The following SAMSN1 variants were observed in gnomAD, a reference collection of about 807,000 sequenced individuals.
SAMSN1 encodes SAM domain, SH3 domain and nuclear localization signals 1, also known as SAM domain-containing protein SAMSN-1.
A neutral mutation model predicts 42.0 loss-of-function variants in SAMSN1; 31 were observed. The ratio of observed to expected loss-of-function variants is 0.74; its 90% CI spans 0.55 to 1.00. The LOEUF is 1.00. Among genes scored for constraint, SAMSN1 ranks in the 50% least tolerant of loss-of-function variants. The pLI is 0.00. For missense variants in SAMSN1, 464 were observed against 439.4 expected, an observed-to-expected ratio of 1.06 and a Z score of -0.50; for synonymous variants, 178 against 151.9, an observed-to-expected ratio of 1.17 and a Z score of -1.26.
chr21:14,579,664 TGGAGGCAGGGTCTCAC>T (rs1568817381), intron 2 of SAMSN1, among the ~76,000 whole-genome samples: 4 of 109,854 alleles, frequency 3.6e-5, no homozygotes, highest in African/African-American at 6.9e-5. Context: ...TTTTTTTTTT[TGGAGGCAGGGTCTCAC>T]TTTGTTTCCC....
At chr21:14,646,184 G>C (rs1236810083) in intron 1 of SAMSN1, among the ~76,000 whole-genome samples, 1 of 152,062 alleles carries the variant, frequency 6.6e-6, no homozygotes, top group South Asian at 2.1e-4. Flanking sequence ...ACACCAAGCA[G>C]ATTTAACCCT....
intron 2 of SAMSN1, among the ~76,000 whole-genome samples, chr21:14,580,285 A>T (rs1009309298): frequency 6.6e-6 from 1 of 152,158 alleles, no homozygotes; most frequent in Non-Finnish European, 1.5e-5. Flanking sequence ...AGGTGGGGGT[A>T]GTGCACAGAT....
At chr21:14,623,569 G>A (rs930220254) in intron 2 of SAMSN1, among the ~76,000 whole-genome samples, 1 of 152,150 alleles carries the variant, frequency 6.6e-6, no homozygotes, top group Non-Finnish European at 1.5e-5. Flanking sequence ...TCAACAAGAA[G>A]AACTAACTAT....
intron 2 of SAMSN1, among the ~76,000 whole-genome samples, chr21:14,626,044 A>C (rs1001794110): frequency 6.6e-6 from 1 of 152,234 alleles, no homozygotes; most frequent in Non-Finnish European, 1.5e-5. Context: ...TTCCCTATTT[A>C]ATAAATGGTG....
At chr21:14,605,805 AAG>A (rs1491400085) in intron 5 of SAMSN1, among the ~76,000 whole-genome samples, 11 of 144,966 alleles carry the variant, frequency 7.6e-5, no homozygotes, top group South Asian at 2.2e-4. Context: ...ATATGTAAAG[AAG>A]ATTTATTTAT....
chr21:14,646,572 A>G (rs918346901), intron 1 of SAMSN1, among the ~76,000 whole-genome samples: 2 of 152,214 alleles, frequency 1.3e-5, no homozygotes, highest in Non-Finnish European at 2.9e-5. Flanking sequence ...TAATCACCTG[A>G]AGGTACAAAA....
rs1332818287 is a variant in SAMSN1 at position 14,577,259 on chromosome 21, TATATATATATATATATATATATATA to T, written c.261+4852_261+4876del. ...GTGTGTATATATATATATATATATA[TATATATATATATATATATATATATA>T]TTTTTTTTTTAGAAGAGACAGGGTT... On this transcript the variant is annotated intron_variant, in intron 2 of 8. Transcript: ENST00000285670. Among the ~76,000 whole-genome samples, 34 of 46,608 alleles carry T rather than the reference TATATATATATATATATATATATATA, an allele frequency of 7.3e-4. 1 individual carries two copies. Among genetic ancestry groups the T allele is most frequent in the African/African-American group, 2.2e-3 (16 of 7,300 alleles). The allele number at this position is 46,608 out of a possible 152,430, so 30.6% of individuals were successfully genotyped here.
chr21:14,620,392 G>A (rs2123341268), intron 2 of SAMSN1, among the ~76,000 whole-genome samples: 2 of 152,274 alleles, frequency 1.3e-5, no homozygotes, highest in South Asian at 4.1e-4. Context: ...GCCACCATGT[G>A]AAGAAGGTAC....
intron 1 of SAMSN1, among the ~76,000 whole-genome samples, chr21:14,543,800 T>C (rs1980200852): frequency 6.6e-6 from 1 of 152,196 alleles, no homozygotes; most frequent in Non-Finnish European, 1.5e-5. Context: ...AGAAAATTCC[T>C]TTCACAAATT....
chr21:14,590,270 T>TC (rs572353513), intron 7 of SAMSN1, among the ~76,000 whole-genome samples: 7 of 151,398 alleles, frequency 4.6e-5, no homozygotes, highest in Non-Finnish European at 7.4e-5. Context: ...GGGAGAATTT[T>TC]TTTTTCTTTT....
intron 2 of SAMSN1, among the ~76,000 whole-genome samples, chr21:14,563,046 C>T (rs1980996191): frequency 6.6e-6 from 1 of 152,082 alleles, no homozygotes; most frequent in Non-Finnish European, 1.5e-5. Flanking sequence ...GTATTTCCAA[C>T]AACATAAATG....
intron 6 of SAMSN1, among the ~76,000 whole-genome samples, chr21:14,599,501 CG>C (rs1299344536): frequency 6.6e-6 from 1 of 152,122 alleles, no homozygotes; most frequent in Admixed American, 6.6e-5. Flanking sequence ...TACTTAGCCT[CG>C]GGTATTTCTT....
In SAMSN1 at chr21:14,605,120, A is replaced by C. The variant is rs1442066939; in HGVS notation, c.323-3021T>G. Among the ~76,000 whole-genome samples, 3 of 152,218 alleles carry C rather than the reference A, an allele frequency of 2.0e-5. No individual in the cohort carries two copies. The East Asian group carries it at 5.8e-4, about 29-fold the overall frequency. Reference sequence around the variant, plus strand: ...AGAGGCAGCAAGGGATGATGTAAAAAAGTTTTTATTTCTAATCAGCTTTTA... The same window carrying C: ...AGAGGCAGCAAGGGATGATGTAAAACAGTTTTTATTTCTAATCAGCTTTTA... On this transcript the variant is annotated intron_variant, in intron 5 of 15. Transcript: ENST00000647101.
At chr21:14,565,788 C>T (rs1981100010) in intron 2 of SAMSN1, among the ~76,000 whole-genome samples, 1 of 152,094 alleles carries the variant, frequency 6.6e-6, no homozygotes, top group African/African-American at 2.4e-5. Context: ...ATAAACTTCT[C>T]AACATCACAA....
At chr21:14,608,393 T>G (rs28723432) in intron 5 of SAMSN1, among the ~76,000 whole-genome samples, 2,547 of 152,304 alleles carry the variant, frequency 0.017, 77 homozygotes, top group African/African-American at 0.058. Flanking sequence ...AAAATTCAGC[T>G]GTCCACTACA....
chr21:14,569,974 T>G (rs1009641412), intron 2 of SAMSN1, among the ~76,000 whole-genome samples: 2 of 124,766 alleles, frequency 1.6e-5, no homozygotes, highest in African/African-American at 7.0e-5. Context: ...TGTGGTGTCT[T>G]TAACCACTTT....
chr21:14,623,858 C>T (rs1439160893), intron 2 of SAMSN1, among the ~76,000 whole-genome samples: 3 of 152,088 alleles, frequency 2.0e-5, no homozygotes, highest in Admixed American at 6.6e-5. Context: ...TATTCCAAAA[C>T]TGACCACATA....
intron 3 of SAMSN1, among the ~76,000 whole-genome samples, chr21:14,614,993 A>G (rs1317940579): frequency 1.3e-5 from 2 of 152,136 alleles, no homozygotes; most frequent in African/African-American, 2.4e-5. Flanking sequence ...TTGGTAGCCT[A>G]TATTCTGCGG....
At position 14,612,904 on chromosome 21, in the gene SAMSN1, C is replaced by T. The variant is rs1982745372; in HGVS notation, c.207G>A (p.Arg69=). The T allele has an allele frequency of 4.3e-6, 3 of 705,558 alleles. No individual in the cohort carries two copies. In the East Asian group the frequency reaches 8.1e-5, roughly 19 times the overall value. The allele number at this position is 705,558 out of a possible 1,614,324, so 43.7% of individuals were successfully genotyped here. The change falls in exon 4 of 16, where the codon CGG becomes CGA. Residue 69 remains arginine, a synonymous_variant. Transcript: ENST00000647101. Reference sequence around the variant, plus strand: ...ATATTTTATTTTCAGACATAAATCTCCGGAATAACCTGGAAGAATAAAAGA... The same window carrying T: ...ATATTTTATTTTCAGACATAAATCTTCGGAATAACCTGGAAGAATAAAAGA...
Sources: gnomAD v4.1 joint callset for allele counts (sites outside exome capture counted in the v4.1 genomes callset) on GRCh38, gnomAD v4.1.1 for gene constraint, MANE v1.5 for transcripts, NCBI Gene and HGNC (gene_info 2026-07-23, HGNC 2026-07-21) for gene names.